The following GALNT10 variants were observed in gnomAD, a reference collection of about 807,000 sequenced individuals.
GALNT10 encodes the protein GalNAc transferase 10.
In GALNT10, 41 loss-of-function variants were observed where a neutral mutation model predicts 75.0. The observed-to-expected ratio is 0.55, with a 90% CI of 0.43 to 0.71. The LOEUF (loss-of-function observed/expected upper bound fraction) is 0.71, where lower values mean the gene tolerates loss of function less well. Ranked by LOEUF, GALNT10 falls within the 30% of genes least tolerant of loss-of-function variation. The pLI is 0.00. For synonymous variants in GALNT10, 302 were observed against 313.0 expected, an observed-to-expected ratio of 0.96 and a Z score of 0.37; for missense variants, 727 against 818.5, an observed-to-expected ratio of 0.89 and a Z score of 1.36.
chr5:154,244,639 C>T (rs1012008285), intron 1 of GALNT10, among the ~76,000 whole-genome samples: 7 of 151,974 alleles, frequency 4.6e-5, no homozygotes, highest in African/African-American at 1.2e-4. Context: ...AGTGATAATC[C>T]GGCAGACAGC....
chr5:154,407,272 C>A (rs898195817), intron 8 of GALNT10, among the ~76,000 whole-genome samples: 2 of 151,984 alleles, frequency 1.3e-5, no homozygotes, highest in Non-Finnish European at 2.9e-5. Context: ...ATGAGGAGCC[C>A]GAAGCCCACT....
At chr5:154,273,010 A>G (rs1033446299) in intron 1 of GALNT10, among the ~76,000 whole-genome samples, 2 of 152,078 alleles carry the variant, frequency 1.3e-5, no homozygotes, top group Non-Finnish European at 2.9e-5. Flanking sequence ...GGGGCTGCAG[A>G]TGGGGAATGC....
chr5:154,235,533 C>CGTGTT (rs1561636771), intron 1 of GALNT10, among the ~76,000 whole-genome samples: 1 of 152,078 alleles, frequency 6.6e-6, no homozygotes, highest in Non-Finnish European at 1.5e-5. Context: ...CTGGAACCCA[C>CGTGTT]GTGTGTGTTT....
intron 4 of GALNT10, among the ~76,000 whole-genome samples, chr5:154,341,779 C>T (rs150899493): frequency 4.7e-4 from 71 of 152,196 alleles, no homozygotes; most frequent in Non-Finnish European, 7.9e-4. Context: ...AAAGTGATGC[C>T]GAATATTCTT....
chr5:154,229,666 C>T (rs1753117657), intron 1 of GALNT10, among the ~76,000 whole-genome samples: 1 of 152,000 alleles, frequency 6.6e-6, no homozygotes, highest in South Asian at 2.1e-4. Context: ...CCAGGAGGCG[C>T]ACCTTGCGGT....
intron 7 of GALNT10, 97 bp from the exon 8 acceptor site, chr5:154,404,007 C>T (rs771391292): frequency 5.6e-6 from 5 of 898,796 alleles, no homozygotes; most frequent in Non-Finnish European, 7.6e-6. Flanking sequence ...ACAATCCAGG[C>T]TGATGCTTTT....
chr5:154,372,528 T>A (rs1407364688), intron 4 of GALNT10, among the ~76,000 whole-genome samples: 1 of 152,148 alleles, frequency 6.6e-6, no homozygotes, highest in Non-Finnish European at 1.5e-5. Context: ...CCAGGAAATA[T>A]CAGCAAGAAA....
At chr5:154,231,222 G>A (rs1216610974) in intron 1 of GALNT10, among the ~76,000 whole-genome samples, 1 of 152,186 alleles carries the variant, frequency 6.6e-6, no homozygotes, top group African/African-American at 2.4e-5. Flanking sequence ...ATCCTGAGTG[G>A]ACATCTTTCC....
At chr5:154,346,139 CGT>C (rs36124544) in intron 4 of GALNT10, among the ~76,000 whole-genome samples, 56 of 147,774 alleles carry the variant, frequency 3.8e-4, no homozygotes, top group South Asian at 6.5e-4. Context: ...TTCGTGTGTG[CGT>C]GTGTGTGTGT....
intron 1 of GALNT10, among the ~76,000 whole-genome samples, chr5:154,203,826 T>C (rs1329070785): frequency 6.6e-6 from 1 of 152,184 alleles, no homozygotes; most frequent in East Asian, 1.9e-4. Context: ...TTCGAAAAGT[T>C]CCATTCCCAA....
At chr5:154,223,262 A>G (rs937896877) in intron 1 of GALNT10, among the ~76,000 whole-genome samples, 3 of 152,316 alleles carry the variant, frequency 2.0e-5, no homozygotes, top group African/African-American at 7.2e-5. Context: ...TATTGGCTTG[A>G]TAATCCTCAG....
intron 4 of GALNT10, among the ~76,000 whole-genome samples, chr5:154,343,464 G>T (rs1246416488): frequency 6.6e-6 from 1 of 152,140 alleles, no homozygotes; most frequent in Non-Finnish European, 1.5e-5. Flanking sequence ...AATACAAGGA[G>T]GCACTATTAT....
chr5:154,343,280 C>T (rs1166533579), intron 4 of GALNT10, among the ~76,000 whole-genome samples: 1 of 152,130 alleles, frequency 6.6e-6, no homozygotes, highest in Non-Finnish European at 1.5e-5. Flanking sequence ...AGAACAAATA[C>T]TGAGTGATGA....
At chr5:154,283,871 G>C (rs6580067) in intron 1 of GALNT10, among the ~76,000 whole-genome samples, 84,327 of 152,016 alleles carry the variant, frequency 0.55, 24,348 homozygotes, top group East Asian at 0.77. Flanking sequence ...GCTTAAGGCA[G>C]CTGTGGCAGA....
Position 154,356,487 on chromosome 5 carries a change from C to T in GALNT10, c.569-19790C>T, listed in dbSNP as rs1029548907. ...CAAACTTGCTGGTGGCCCAGGAAGC[C>T]CTGCCCTCTCTGATTCATAATTTCA... On this transcript the variant is annotated intron_variant, in intron 4 of 11. Coordinates refer to ENST00000297107, the MANE Select transcript of GALNT10 (RefSeq NM_198321.4). Among the ~76,000 whole-genome samples, 3 of 152,160 alleles carry T rather than the reference C, an allele frequency of 2.0e-5. No individual in the cohort carries two copies. The East Asian group carries it at 5.8e-4, about 29-fold the overall frequency.
At chr5:154,393,919 C>A (rs1432449986) in intron 7 of GALNT10, among the ~76,000 whole-genome samples, 2 of 152,166 alleles carry the variant, frequency 1.3e-5, no homozygotes, top group East Asian at 3.9e-4. Flanking sequence ...TACATTCCAG[C>A]ACATTGTTGG....
At position 154,298,163 on chromosome 5, in the gene GALNT10, G is replaced by A; in HGVS notation, c.401+84G>A. On this transcript the variant is annotated intron_variant, in intron 3 of 11. Coordinates refer to ENST00000297107, the MANE Select transcript of GALNT10 (RefSeq NM_198321.4). The surrounding 1 kb of genome is among the most constrained non-coding windows in gnomAD (Gnocchi z 4.1). ...GAATTAATTAAGGAAGCAGGTACAT[G>A]GAGCCCTGCTGACGGAGACACCCTC... The A allele has an allele frequency of 5.5e-6, 7 of 1,261,850 alleles. 1 individual carries two copies. The South Asian group carries it at 9.2e-5, about 17-fold the overall frequency. 78.2% of individuals were successfully genotyped at this position (1,261,850 alleles called of 1,614,324 possible). A position where few individuals can be genotyped will look rare whatever the true frequency, so the allele number is the denominator to read the frequency against.
chr5:154,230,798 C>T (rs1259014433), intron 1 of GALNT10, among the ~76,000 whole-genome samples: 4 of 152,198 alleles, frequency 2.6e-5, no homozygotes, highest in Admixed American at 1.3e-4. Flanking sequence ...CTGGAGTAAA[C>T]CAAAGGTCAG....
rs754234880 is a variant in GALNT10, at chr5:154,409,756, G to A, written c.1380G>A (p.Trp460Ter). The A allele has an allele frequency of 5.6e-6, 9 of 1,611,164 alleles. No homozygotes were observed. The highest frequency in any genetic ancestry group is 1.7e-5 in the Admixed American group (1 of 59,992). ...YPPVEPPAAA[W>*]GEIRNVGTGL... The stretch of plus-strand genomic sequence containing the variant: ...CCGTGGAGCCCCCGGCTGCAGCTTG[G>A]GGGGAGGTGAGTCTGGAGGGCAGGG... The change falls in exon 9 of 12, where the codon TGG (tryptophan) becomes TGA (stop). Residue 460 changes from tryptophan (W) to a stop codon, truncating the protein, a stop_gained. Transcript: ENST00000297107. LOFTEE classifies it high-confidence loss of function. This position sits in a 1 kb window ranked among gnomAD's most constrained non-coding sequence, Gnocchi z 4.5.
Sources: allele counts gnomAD v4.1 joint callset (sites outside exome capture counted in the v4.1 genomes callset), GRCh38; gene constraint gnomAD v4.1.1; non-coding constraint Gnocchi (gnomAD v3.1); transcripts MANE v1.5; gene names NCBI Gene and HGNC (gene_info 2026-07-23, HGNC 2026-07-21).